RBFOX1: variants seen among roughly 807,000 people sequenced by gnomAD.
RBFOX1 encodes the protein RNA binding fox-1 homolog 1, also known as RNA binding protein fox-1 homolog 1.
RBFOX1 carries 8 observed loss-of-function variants against 57.7 expected under a neutral mutation model. The ratio of observed to expected loss-of-function variants is 0.14; its 90% CI spans 0.08 to 0.25. The LOEUF is 0.25. RBFOX1 is among the 10% of genes least tolerant of loss of function. RBFOX1 has a pLI of 1.00. For missense variants in RBFOX1, 611 were observed against 548.5 expected, an observed-to-expected ratio of 1.11 and a Z score of -1.14; for synonymous variants, 326 against 222.4, an observed-to-expected ratio of 1.47 and a Z score of -4.15.
chr16:7,065,461 A>C (rs2055746183), intron 4 of RBFOX1, among the ~76,000 whole-genome samples: 1 of 152,028 alleles, frequency 6.6e-6, no homozygotes, highest in African/African-American at 2.4e-5. Context: ...GTTTTTCTGA[A>C]CCTGCTTCTG....
chr16:5,256,119 C>T (rs1207662578), intron 1 of RBFOX1, among the ~76,000 whole-genome samples: 1 of 152,104 alleles, frequency 6.6e-6, no homozygotes, highest in East Asian at 1.9e-4. Flanking sequence ...CTAAGTTTTG[C>T]AGGAGGGGAA....
At chr16:5,350,046 G>A (rs549326767) in intron 1 of RBFOX1, among the ~76,000 whole-genome samples, 2 of 152,340 alleles carry the variant, frequency 1.3e-5, no homozygotes, top group South Asian at 4.1e-4. Context: ...TAATAGAACT[G>A]GCGCTTGCGT....
At chr16:5,805,116 G>T (rs186584507) in intron 3 of RBFOX1, among the ~76,000 whole-genome samples, 2 of 152,160 alleles carry the variant, frequency 1.3e-5, no homozygotes, top group East Asian at 3.9e-4. Context: ...CTGGGAAGGG[G>T]GCAGTTTGGT....
chr16:7,515,747 G>A (rs897677680), intron 4 of RBFOX1, among the ~76,000 whole-genome samples: 1 of 152,226 alleles, frequency 6.6e-6, no homozygotes, highest in African/African-American at 2.4e-5. Flanking sequence ...CTGGGACTCA[G>A]TAGAAACCTC....
intron 3 of RBFOX1, among the ~76,000 whole-genome samples, chr16:5,712,460 TG>T (rs1224849598): frequency 6.6e-6 from 1 of 152,228 alleles, no homozygotes; most frequent in Non-Finnish European, 1.5e-5. Context: ...TCCAAAGGTT[TG>T]GCTTTCACGC....
intron 4 of RBFOX1, among the ~76,000 whole-genome samples, chr16:7,408,347 C>A (rs1411216604): frequency 1.3e-5 from 2 of 152,106 alleles, no homozygotes; most frequent in Non-Finnish European, 2.9e-5. Context: ...CGACTGTATT[C>A]ATTTTGAAAT....
At chr16:7,141,912 C>A (rs2073884751) in intron 4 of RBFOX1, among the ~76,000 whole-genome samples, 1 of 152,166 alleles carries the variant, frequency 6.6e-6, no homozygotes, top group Non-Finnish European at 1.5e-5. Flanking sequence ...ATAAATCTGT[C>A]ATGTCAGTCC....
At chr16:6,197,170 T>C (rs1175036589) in intron 1 of RBFOX1, among the ~76,000 whole-genome samples, 1 of 152,204 alleles carries the variant, frequency 6.6e-6, no homozygotes, top group East Asian at 1.9e-4. Context: ...CTGTGGATAC[T>C]ATGCATACGT....
In RBFOX1 at chr16:7,518,287, C is replaced by T. The variant is rs768597516; in HGVS notation, c.168C>T (p.Thr56=). 2 of 1,614,168 alleles carry T rather than the reference C, an allele frequency of 1.2e-6. No individual in the cohort carries two copies. The highest frequency in any genetic ancestry group is 8.5e-7 in the Non-Finnish European group (1 of 1,180,028). ...PHPAPEYTGQ[T]TVPEHTLNLY... is the part of the protein sequence containing the mutation. Reference sequence around the variant, plus strand: ...CCGCGCCAGAGTACACAGGCCAGACCACGGTTCCCGAGCACACATTAAACC... The same window carrying T: ...CCGCGCCAGAGTACACAGGCCAGACTACGGTTCCCGAGCACACATTAAACC... The change falls in exon 5 of 16, where the codon ACC becomes ACT. Residue 56 remains threonine (T), a synonymous_variant. Coordinates refer to ENST00000550418, the MANE Select transcript of RBFOX1 (RefSeq NM_018723.4).
At chr16:6,907,139 T>C (rs2070215289) in intron 3 of RBFOX1, among the ~76,000 whole-genome samples, 1 of 152,224 alleles carries the variant, frequency 6.6e-6, no homozygotes, top group Admixed American at 6.5e-5. Flanking sequence ...ACAATATCTG[T>C]AGACATTTCT....
intron 5 of RBFOX1, among the ~76,000 whole-genome samples, chr16:7,562,035 C>T (rs1014761188): frequency 1.3e-5 from 2 of 151,938 alleles, no homozygotes; most frequent in African/African-American, 4.8e-5. Context: ...AAAAATACTG[C>T]AGGAGGAAAA....
chr16:5,316,552 G>T (rs1438113257), intron 1 of RBFOX1, among the ~76,000 whole-genome samples: 1 of 152,160 alleles, frequency 6.6e-6, no homozygotes, highest in Non-Finnish European at 1.5e-5. Context: ...AATAACTGGG[G>T]GACATTGGGC....
rs149217790 is a variant in RBFOX1 at position 5,649,452 on chromosome 16, G to A, written c.318+50491G>A. 3.3e-5 allele frequency among the ~76,000 whole-genome samples: 5 copies of A among 152,260 alleles called. No homozygotes were observed. The East Asian group carries it at 7.7e-4, about 24-fold the overall frequency. On this transcript the variant is annotated intron_variant, in intron 3 of 19. Coordinates refer to the RBFOX1 transcript ENST00000641259. ...CCCAAAGTGCTGGGATTACAGGCAT[G>A]AGCCACCATGCCGGGTCAGAAATAA...
chr16:7,202,807 C>A (rs746620361), intron 4 of RBFOX1, among the ~76,000 whole-genome samples: 2 of 152,190 alleles, frequency 1.3e-5, no homozygotes, highest in East Asian at 1.9e-4. Flanking sequence ...CAACAGCCCC[C>A]CACCCTGGCC....
rs114776930 is a variant in RBFOX1 at position 6,187,423 on chromosome 16, G to A, written c.-126-129572G>A. On this transcript the variant is annotated intron_variant, in intron 1 of 15. Transcript: ENST00000550418. ...AGGAAGGGTCAGGGCAGAGATAACA[G>A]GGATAAAAGATTGGGAATTTAGGCG... Among the ~76,000 whole-genome samples, 150 of 152,256 alleles carry A rather than the reference G, an allele frequency of 9.9e-4. 1 individual carries two copies. The highest frequency in any genetic ancestry group is 3.2e-3 in the African/African-American group (135 of 41,568).
chr16:7,696,529 T>C (rs1041913417), intron 14 of RBFOX1, among the ~76,000 whole-genome samples: 1 of 145,672 alleles, frequency 6.9e-6, no homozygotes, highest in African/African-American at 2.8e-5. Flanking sequence ...AGTTACTTAA[T>C]CAGTGACTAG....
chr16:5,693,911 C>A (rs1000438691), intron 3 of RBFOX1, among the ~76,000 whole-genome samples: 1 of 152,152 alleles, frequency 6.6e-6, no homozygotes, highest in Non-Finnish European at 1.5e-5. Flanking sequence ...CTGCCTCATT[C>A]CCCCACCTCG....
intron 4 of RBFOX1, among the ~76,000 whole-genome samples, chr16:7,351,342 CT>C (rs2145966708): frequency 6.6e-6 from 1 of 152,340 alleles, no homozygotes; most frequent in South Asian, 2.1e-4. Flanking sequence ...TAGTTCATTC[CT>C]TTGATAATTC....
intron 4 of RBFOX1, among the ~76,000 whole-genome samples, chr16:7,259,317 C>T (rs2094824394): frequency 6.6e-6 from 1 of 152,192 alleles, no homozygotes; most frequent in Non-Finnish European, 1.5e-5. Flanking sequence ...CTTCCCCTCT[C>T]AGGCACACAC....
Sources: allele counts gnomAD v4.1 joint callset (sites outside exome capture counted in the v4.1 genomes callset), GRCh38; gene constraint gnomAD v4.1.1; transcripts MANE v1.5; gene names NCBI Gene and HGNC (gene_info 2026-07-23, HGNC 2026-07-21).